The following EBPL variants were observed in gnomAD, a reference collection of about 807,000 sequenced individuals.
EBPL encodes EBP like.
EBPL carries 20 observed loss-of-function variants against 19.0 expected under a neutral mutation model. The observed-to-expected ratio is 1.05, with a 90% CI of 0.74 to 1.53. The LOEUF (loss-of-function observed/expected upper bound fraction) is 1.53, where lower values mean the gene tolerates loss of function less well. Ranked by LOEUF, EBPL falls within the 40% of genes most tolerant of loss-of-function variation. EBPL has a pLI of 0.00. For missense variants in EBPL, 219 were observed against 261.1 expected, an observed-to-expected ratio of 0.84 and a Z score of 1.11; for synonymous variants, 107 against 117.0, an observed-to-expected ratio of 0.91 and a Z score of 0.55.
At chr13:49,678,779 G>A (rs1594413375) in intron 1 of EBPL, among the ~76,000 whole-genome samples, 1 of 152,224 alleles carries the variant, frequency 6.6e-6, no homozygotes, top group Non-Finnish European at 1.5e-5. Context: ...AGTGGATGCC[G>A]AGGCTGAGGA....
chr13:49,685,032 A>T (rs1048395422), intron 1 of EBPL, among the ~76,000 whole-genome samples: 3 of 152,178 alleles, frequency 2.0e-5, no homozygotes, highest in African/African-American at 7.2e-5. Context: ...CAGCCTCCTG[A>T]ATAGCTGGGA....
At chr13:49,684,254 T>C (rs1953973658) in intron 1 of EBPL, among the ~76,000 whole-genome samples, 1 of 152,202 alleles carries the variant, frequency 6.6e-6, no homozygotes, top group Non-Finnish European at 1.5e-5. Context: ...GGTTTTATTA[T>C]ACATAAATTA....
intron 1 of EBPL, among the ~76,000 whole-genome samples, chr13:49,676,108 ACCACTGGGCTAGACTG>A (rs1953873062): frequency 6.6e-6 from 1 of 152,162 alleles, no homozygotes; most frequent in South Asian, 2.1e-4. Flanking sequence ...GGAATTTGAA[ACCACTGGGCTAGACTG>A]CCCCATGGGC....
rs756190449 is a variant in EBPL, at chr13:49,687,722, G to A, written c.171+3532C>T. On this transcript the variant is annotated intron_variant, in intron 1 of 3. Coordinates refer to ENST00000242827, the MANE Select transcript of EBPL (RefSeq NM_032565.5). ...AGTTCTGGAGTTCCTTTCTTGTAAC[G>A]CATCCCACTGCATGTACAGGCAGTA... Among the ~76,000 whole-genome samples the A allele has an allele frequency of 8.5e-5, 13 of 152,276 alleles. No homozygotes were observed. In the East Asian group the frequency reaches 1.2e-3, roughly 14 times the overall value.
At position 49,688,675 on chromosome 13, in the gene EBPL, C is replaced by T. The variant is rs1029983303; in HGVS notation, c.171+2579G>A. On this transcript the variant is annotated intron_variant, in intron 1 of 3. Transcript: ENST00000242827. ...CGGAGCTTGCAGCGAGCCGAGATTG[C>T]GCCACTGCACTCCAGTCTGGGTAAT... is the stretch of plus-strand genomic sequence containing the variant. Among the ~76,000 whole-genome samples the T allele has an allele frequency of 4.2e-5, 6 of 143,794 alleles. No homozygotes were observed. The Admixed American group carries it at 4.4e-4, about 10-fold the overall frequency. The allele number at this position is 143,794 out of a possible 152,430, so 94.3% of individuals were successfully genotyped here. A position where few individuals can be genotyped will look rare whatever the true frequency, so the allele number is the denominator to read the frequency against.
intron 1 of EBPL, among the ~76,000 whole-genome samples, chr13:49,675,878 G>GT (rs11395508): frequency 0.61 from 89,338 of 145,910 alleles, 29,172 homozygotes; most frequent in East Asian, 0.76. Context: ...TGTTGTTATT[G>GT]TTTTTTTTTT....
At chr13:49,676,906 T>C (rs1469864016) in intron 1 of EBPL, among the ~76,000 whole-genome samples, 1 of 152,152 alleles carries the variant, frequency 6.6e-6, no homozygotes, top group Non-Finnish European at 1.5e-5. Flanking sequence ...CCTTAGTCCT[T>C]CCTAATTTTT....
intron 2 of EBPL, among the ~76,000 whole-genome samples, chr13:49,666,711 C>CAAAAAA (rs35086927): frequency 1.2e-5 from 1 of 81,016 alleles, no homozygotes; most frequent in Non-Finnish European, 2.2e-5. Context: ...GACTCCGTCT[C>CAAAAAA]AAAAAAAAAA....
rs938705296 is a variant in EBPL at position 49,669,762 on chromosome 13, T to C, written c.241+15A>G. ...TCCTCCAACATTTCAAACGCAAACG[T>C]TTTTAATTACTTACATAAAGAAGCA... On this transcript the variant is annotated intron_variant, in intron 2 of 3. Transcript: ENST00000242827. The C allele has an allele frequency of 1.2e-6, 2 of 1,612,726 alleles. No individual in the cohort carries two copies. Among genetic ancestry groups the C allele is most frequent in the East Asian group, 2.2e-5 (1 of 44,882 alleles).
At chr13:49,677,908 T>C (rs917857164) in intron 1 of EBPL, among the ~76,000 whole-genome samples, 14 of 151,978 alleles carry the variant, frequency 9.2e-5, no homozygotes, top group Non-Finnish European at 1.9e-4. Context: ...GCCTCAGGAG[T>C]GAAGCTGCAG....
At chr13:49,665,443 G>T (rs1965212179) in intron 2 of EBPL, among the ~76,000 whole-genome samples, 1 of 152,162 alleles carries the variant, frequency 6.6e-6, no homozygotes, top group Non-Finnish European at 1.5e-5. Context: ...GGCTAATTTT[G>T]TATTTTTAAT....
Position 49,663,041 on chromosome 13 carries a change from G to C in EBPL, c.380+16C>G. Reference sequence around the variant, plus strand: ...TGTCTCCCCTCCTTCCAGCAGGACAGAAGAAGGGCACCTACCGGTAATATT... The same window carrying C: ...TGTCTCCCCTCCTTCCAGCAGGACACAAGAAGGGCACCTACCGGTAATATT... On this transcript the variant is annotated intron_variant, in intron 3 of 3. Transcript: ENST00000242827. 2 of 1,613,118 alleles carry C rather than the reference G, an allele frequency of 1.2e-6. No homozygotes were observed. The highest frequency in any genetic ancestry group is 2.2e-5 in the South Asian group (2 of 91,012).
At chr13:49,691,179 C>T in intron 1 of EBPL, 75 bp downstream of exon 1, 1 of 1,210,004 alleles carries the variant, frequency 8.3e-7, no homozygotes, top group Non-Finnish European at 1.0e-6. Context: ...GCCGCAGGAC[C>T]CCCTCACCCC....
chr13:49,666,702 ACTCCG>A (rs1965232484), intron 2 of EBPL, among the ~76,000 whole-genome samples: 1 of 114,340 alleles, frequency 8.7e-6, no homozygotes, highest in Non-Finnish European at 1.8e-5. Flanking sequence ...AAAGAGTGAG[ACTCCG>A]TCTCAAAAAA....
At chr13:49,689,751 ATGTTATACATTT>A (rs1032434141) in intron 1 of EBPL, among the ~76,000 whole-genome samples, 7 of 152,190 alleles carry the variant, frequency 4.6e-5, no homozygotes, top group African/African-American at 1.7e-4. Flanking sequence ...CATTTTTGTT[ATGTTATACATTT>A]TGTTATACAT....
intron 1 of EBPL, among the ~76,000 whole-genome samples, chr13:49,673,724 A>T (rs545515405): frequency 6.6e-6 from 1 of 152,300 alleles, no homozygotes; most frequent in African/African-American, 2.4e-5. Flanking sequence ...GGCTTGAGCC[A>T]CCATGGCCAA....
intron 1 of EBPL, among the ~76,000 whole-genome samples, chr13:49,686,224 A>G (rs910765318): frequency 6.6e-6 from 1 of 152,200 alleles, no homozygotes; most frequent in Non-Finnish European, 1.5e-5. Context: ...CCGCGTCTGC[A>G]CTTTTACCCT....
At chr13:49,688,964 C>T (rs1403323029) in intron 1 of EBPL, among the ~76,000 whole-genome samples, 2 of 152,264 alleles carry the variant, frequency 1.3e-5, no homozygotes, top group Non-Finnish European at 2.9e-5. Flanking sequence ...TGTACAAAGA[C>T]GTTGGTAGAT....
intron 1 of EBPL, among the ~76,000 whole-genome samples, chr13:49,679,006 T>TAAA (rs71188373): frequency 1.1e-5 from 1 of 95,186 alleles, no homozygotes; most frequent in African/African-American, 5.1e-5. Flanking sequence ...AGACTCCGTC[T>TAAA]AAAAAAAAAA....
Sources: gnomAD v4.1 joint callset for allele counts (sites outside exome capture counted in the v4.1 genomes callset) on GRCh38, gnomAD v4.1.1 for gene constraint, MANE v1.5 for transcripts, NCBI Gene and HGNC (gene_info 2026-07-23, HGNC 2026-07-21) for gene names.